The following INO80C variants were observed in gnomAD, a reference collection of about 807,000 sequenced individuals.
INO80C encodes the protein INO80 complex subunit C.
INO80C carries 17 observed loss-of-function variants against 17.7 expected under a neutral mutation model. That is an observed-to-expected ratio of 0.96 (90% CI 0.66 to 1.44). The LOEUF is 1.44. Ranked by LOEUF, INO80C falls within the 40% of genes most tolerant of loss-of-function variation. The probability of loss-of-function intolerance (pLI) is 0.00; values close to 1 mark genes in which losing one functional copy is unlikely to be tolerated. For missense variants in INO80C, 244 were observed against 245.0 expected, an observed-to-expected ratio of 1.00 and a Z score of 0.03; for synonymous variants, 96 against 95.8, an observed-to-expected ratio of 1.00 and a Z score of -0.01.
chr18:35,497,749 C>T lies in INO80C; in HGVS notation c.126G>A (p.Lys42=), dbSNP rs1267084884. The change falls in exon 1 of 5, where the codon AAG becomes AAA. Residue 42 remains lysine (K), a synonymous_variant. Transcript: ENST00000334598. ...SSGGGYGASK[K]KKASASSFAQ... ...CAAAGCTGGAAGCGGACGCTTTTTT[C>T]TTCTTACTGGCGCCATAGCCCCCGC... The T allele has an allele frequency of 3.7e-6, 6 of 1,608,438 alleles. No individual in the cohort carries two copies. Among genetic ancestry groups the T allele is most frequent in the African/African-American group, 2.7e-5 (2 of 74,646 alleles).
intron 1 of INO80C, chr18:35,487,969 C>G (rs2045894030): frequency 6.6e-6 from 1 of 152,234 alleles, no homozygotes; most frequent in South Asian, 2.1e-4. Context: ...GCAGGGCAGT[C>G]AAATCCTAAA....
At chr18:35,482,317 C>T (rs573496633) in intron 1 of INO80C, among the ~76,000 whole-genome samples, 2 of 152,288 alleles carry the variant, frequency 1.3e-5, no homozygotes, top group East Asian at 3.9e-4. Context: ...ATTCTGGTTC[C>T]CTCATGCTGA....
At chr18:35,483,347 C>G (rs961390510) in intron 1 of INO80C, 2 of 151,990 alleles carry the variant, frequency 1.3e-5, no homozygotes, top group African/African-American at 4.8e-5. Context: ...AGCCAGCTGT[C>G]AATGTTATTT....
intron 4 of INO80C, among the ~76,000 whole-genome samples, chr18:35,469,126 C>T (rs2045638792): frequency 6.6e-6 from 1 of 152,214 alleles, no homozygotes; most frequent in Admixed American, 6.5e-5. Flanking sequence ...GCCCAGCATG[C>T]TGGGCATGTG....
At chr18:35,492,812 A>G (rs2045945070) in intron 1 of INO80C, among the ~76,000 whole-genome samples, 1 of 152,226 alleles carries the variant, frequency 6.6e-6, no homozygotes, top group Non-Finnish European at 1.5e-5. Flanking sequence ...TGAAGAGGCT[A>G]TTAAGTAACT....
chr18:35,483,405 G>A (rs1171925530), intron 1 of INO80C: 1 of 152,116 alleles, frequency 6.6e-6, no homozygotes, highest in Non-Finnish European at 1.5e-5. Context: ...TTGTATATAT[G>A]ATTGATAGTT....
rs188599283 is a variant in INO80C, at chr18:35,468,855, T to C, written c.448-113A>G. 4.4e-6 allele frequency: 4 copies of C among 909,752 alleles called. No individual in the cohort carries two copies. The East Asian group carries it at 1.0e-4, about 24-fold the overall frequency. 56.4% of individuals were successfully genotyped at this position (909,752 alleles called of 1,614,324 possible). ...CTGAAAGTGATATATATTTTCATTA[T>C]GTCTTACTCTGCCACCAAGAACACT... On this transcript the variant is annotated intron_variant, in intron 4 of 4. Coordinates refer to ENST00000334598, the MANE Select transcript of INO80C (RefSeq NM_194281.4).
chr18:35,468,460 A>AG lies in INO80C; in HGVS notation c.*150_*151insC, dbSNP rs908371562. ...GGAAAACACACACTAAAAAAAAAAA[A>AG]AACCCTTAAATTAAAGCCAAACATT... On this transcript the variant is annotated 3_prime_UTR_variant, in exon 5 of 5. Coordinates refer to ENST00000334598, the MANE Select transcript of INO80C (RefSeq NM_194281.4). The AG allele has an allele frequency of 2.2e-5, 33 of 1,474,648 alleles. No individual in the cohort carries two copies. The highest frequency in any genetic ancestry group is 5.1e-4 in the Middle Eastern group (2 of 3,918). 91.3% of individuals were successfully genotyped at this position (1,474,648 alleles called of 1,614,324 possible).
intron 4 of INO80C, among the ~76,000 whole-genome samples, chr18:35,475,437 A>T (rs1418428742): frequency 6.6e-6 from 1 of 152,164 alleles, no homozygotes; most frequent in Non-Finnish European, 1.5e-5. Context: ...GGAGACCAAG[A>T]CAGGATGATC....
At chr18:35,480,611 G>T in intron 1 of INO80C, 48 bp from the exon 2 acceptor site, 1 of 1,376,954 alleles carries the variant, frequency 7.3e-7, no homozygotes, top group Non-Finnish European at 1.0e-6. Flanking sequence ...TCTTTCAGCT[G>T]AGTTCCCCAC....
intron 1 of INO80C, among the ~76,000 whole-genome samples, chr18:35,480,977 A>G (rs567714644): frequency 1.3e-5 from 2 of 152,364 alleles, no homozygotes; most frequent in Admixed American, 1.3e-4. Context: ...AGGTTGGGCC[A>G]GTTCTAAAGC....
At chr18:35,488,041 G>A (rs775885930) in intron 1 of INO80C, among the ~76,000 whole-genome samples, 7 of 152,240 alleles carry the variant, frequency 4.6e-5, no homozygotes, top group Non-Finnish European at 1.0e-4. Flanking sequence ...TGCAAGAAAT[G>A]GGTTCCCATG....
chr18:35,488,052 G>T (rs368905972), intron 1 of INO80C, among the ~76,000 whole-genome samples: 9 of 152,366 alleles, frequency 5.9e-5, no homozygotes, highest in African/African-American at 2.2e-4. Flanking sequence ...GGTTCCCATG[G>T]TCTTGGGCAG....
chr18:35,497,490 G>C (rs1487551983), intron 1 of INO80C: 1 of 1,345,490 alleles, frequency 7.4e-7, no homozygotes, highest in Non-Finnish European at 9.5e-7. Flanking sequence ...TACTAAGTCA[G>C]TAATAACCTC....
At chr18:35,484,282 T>C (rs990710068) in intron 1 of INO80C, among the ~76,000 whole-genome samples, 9 of 152,220 alleles carry the variant, frequency 5.9e-5, no homozygotes, top group Non-Finnish European at 1.3e-4. Context: ...AGGTTATCAA[T>C]ATGAGCTCAC....
intron 1 of INO80C, among the ~76,000 whole-genome samples, chr18:35,481,412 A>C (rs1265512108): frequency 6.6e-6 from 1 of 152,242 alleles, no homozygotes; most frequent in Admixed American, 6.5e-5. Context: ...TGTAGTTGTC[A>C]TGAGTTTTGC....
chr18:35,469,806 C>T (rs547833832), intron 4 of INO80C, among the ~76,000 whole-genome samples: 27 of 152,290 alleles, frequency 1.8e-4, no homozygotes, highest in African/African-American at 6.3e-4. Flanking sequence ...ACGCAGAGTA[C>T]ACAGAGGGCC....
chr18:35,474,811 T>C (rs887001170), intron 4 of INO80C, among the ~76,000 whole-genome samples: 2 of 152,152 alleles, frequency 1.3e-5, no homozygotes, highest in South Asian at 2.1e-4. Context: ...AATAGGCTCA[T>C]TGGTATACTC....
intron 4 of INO80C, among the ~76,000 whole-genome samples, chr18:35,473,753 G>A (rs907643422): frequency 2.0e-5 from 3 of 152,086 alleles, no homozygotes; most frequent in Admixed American, 6.6e-5. Flanking sequence ...ATGCCCTTGA[G>A]TACCATCTAT....
Sources: gnomAD v4.1 joint callset for allele counts (sites outside exome capture counted in the v4.1 genomes callset) on GRCh38, gnomAD v4.1.1 for gene constraint, MANE v1.5 for transcripts, NCBI Gene and HGNC (gene_info 2026-07-23, HGNC 2026-07-21) for gene names.